STARD3NL: variants seen among roughly 807,000 people sequenced by gnomAD.
STARD3NL encodes the protein STARD3 N-terminal like.
Under a neutral mutation model 30.9 loss-of-function variants are expected in STARD3NL, and 17 were observed. That is an observed-to-expected ratio of 0.55 (90% CI 0.38 to 0.82). The LOEUF (loss-of-function observed/expected upper bound fraction) is 0.82. Among genes scored for constraint, STARD3NL ranks in the 40% least tolerant of loss-of-function variants. The pLI, the probability that STARD3NL is intolerant of heterozygous loss-of-function variation, is 0.00. For synonymous variants in STARD3NL, 112 were observed against 100.5 expected (o/e 1.11, Z -0.69); for missense variants, 234 against 277.6 (o/e 0.84, Z 1.12).
rs1787028901 is a variant in STARD3NL, at chr7:38,230,329, T to C, written c.*424T>C. ...TTATTTTGTATTTCTTTTTTAACAC[T>C]CTACATTTCCCTTGTTTTTTAACTC... On this transcript the variant is annotated 3_prime_UTR_variant, in exon 9 of 9. Transcript: ENST00000009041. 6.5e-6 allele frequency: 1 copy of C among 152,680 alleles called. No homozygotes were observed. Among genetic ancestry groups the C allele is most frequent in the Admixed American group, 6.5e-5 (1 of 15,282 alleles). 9.5% of individuals were successfully genotyped at this position (152,680 alleles called of 1,614,324 possible).
chr7:38,208,574 C>T (rs1028810699), intron 2 of STARD3NL, among the ~76,000 whole-genome samples: 24 of 152,052 alleles, frequency 1.6e-4, no homozygotes, highest in African/African-American at 5.3e-4. Flanking sequence ...CATTTCTTAC[C>T]AACCAATAGG....
intron 1 of STARD3NL, among the ~76,000 whole-genome samples, chr7:38,204,915 A>G (rs1054479242): frequency 1.3e-5 from 2 of 152,080 alleles, no homozygotes; most frequent in Non-Finnish European, 2.9e-5. Context: ...CGACACATAC[A>G]CCCTCCCAAG....
chr7:38,210,813 ATGCTTAG>A (rs1785757736), intron 2 of STARD3NL, among the ~76,000 whole-genome samples: 1 of 152,186 alleles, frequency 6.6e-6, no homozygotes, highest in Admixed American at 6.5e-5. Context: ...GCCTTTATCA[ATGCTTAG>A]TGACTTTTTT....
At chr7:38,190,780 CTTTTTA>C (rs1455055895) in intron 1 of STARD3NL, among the ~76,000 whole-genome samples, 1 of 152,104 alleles carries the variant, frequency 6.6e-6, no homozygotes, top group East Asian at 1.9e-4. Context: ...CACCACTATC[CTTTTTA>C]TTTTTGTTTT....
rs1371490489 is a variant in STARD3NL, at chr7:38,227,495, A to C, written c.650-1304A>C. Reference sequence around the variant, plus strand: ...TATCAGGCATTCTTTCCCTATAACAAATTTGTTCTTGGCTATAATTCAGGT... The same window carrying C: ...TATCAGGCATTCTTTCCCTATAACACATTTGTTCTTGGCTATAATTCAGGT... On this transcript the variant is annotated intron_variant, in intron 7 of 8. Coordinates refer to ENST00000009041, the MANE Select transcript of STARD3NL (RefSeq NM_032016.4). Among the ~76,000 whole-genome samples the C allele has an allele frequency of 2.0e-5, 3 of 152,356 alleles. No homozygotes were observed. In the South Asian group the frequency reaches 6.2e-4, roughly 32 times the overall value.
intron 2 of STARD3NL, among the ~76,000 whole-genome samples, chr7:38,213,212 A>G (rs1220729025): frequency 6.6e-6 from 1 of 152,146 alleles, no homozygotes. Flanking sequence ...AGAGACAGTA[A>G]TGAGACTAAA....
intron 1 of STARD3NL, among the ~76,000 whole-genome samples, chr7:38,190,817 A>AATC (rs1378192654): frequency 2.0e-5 from 3 of 152,166 alleles, no homozygotes; most frequent in Admixed American, 6.5e-5. Context: ...GACTTCTCTG[A>AATC]AGAGTCCAGG....
At chr7:38,196,903 G>T (rs11769941) in intron 1 of STARD3NL, among the ~76,000 whole-genome samples, 125,985 of 152,206 alleles carry the variant, frequency 0.83, 52,295 homozygotes, top group African/African-American at 0.88. Flanking sequence ...GGATCATATA[G>T]GGCACACAGG....
In STARD3NL at chr7:38,228,872, G is replaced by A; in HGVS notation, c.*17+1G>A. The A allele has an allele frequency of 6.2e-7, 1 of 1,605,942 alleles. No homozygotes were observed. The highest frequency in any genetic ancestry group is 8.5e-7 in the Non-Finnish European group (1 of 1,174,500). ...AACTATGAGTACTACTTTTGTTAAA[G>A]TAAGTGTTTGAAATGAAACCATAAC... On this transcript the variant is annotated splice_donor_variant, in intron 8 of 8. Transcript: ENST00000009041. LOFTEE classifies it low-confidence loss of function (3UTR_SPLICE).
intron 1 of STARD3NL, among the ~76,000 whole-genome samples, chr7:38,192,301 T>TG (rs35536408): frequency 0.43 from 64,850 of 151,910 alleles, 14,158 homozygotes; most frequent in East Asian, 0.5. Flanking sequence ...GTTGTTTGTT[T>TG]CTTGCTTTTT....
intron 2 of STARD3NL, among the ~76,000 whole-genome samples, chr7:38,208,577 C>T (rs1465383860): frequency 6.6e-6 from 1 of 152,134 alleles, no homozygotes; most frequent in Non-Finnish European, 1.5e-5. Flanking sequence ...TTCTTACCAA[C>T]CAATAGGTGA....
intron 3 of STARD3NL, among the ~76,000 whole-genome samples, 184 bp from the exon 4 acceptor site, chr7:38,214,844 C>T (rs1428500858): frequency 6.6e-6 from 1 of 151,850 alleles, no homozygotes; most frequent in Non-Finnish European, 1.5e-5. Flanking sequence ...TAATGTGAGA[C>T]CTAATTTGCT....
At chr7:38,197,206 C>CTT (rs56080976) in intron 1 of STARD3NL, among the ~76,000 whole-genome samples, 7 of 141,264 alleles carry the variant, frequency 5.0e-5, no homozygotes, top group African/African-American at 1.1e-4. Context: ...TTCTCTCTCT[C>CTT]TCTTTCCCTC....
At chr7:38,182,070 A>C (rs1372701453) in intron 1 of STARD3NL, among the ~76,000 whole-genome samples, 1 of 152,214 alleles carries the variant, frequency 6.6e-6, no homozygotes, top group Non-Finnish European at 1.5e-5. Context: ...TGATATCTTT[A>C]GTATTGTACT....
intron 1 of STARD3NL, among the ~76,000 whole-genome samples, chr7:38,179,430 T>C (rs986945325): frequency 1.3e-5 from 2 of 152,226 alleles, no homozygotes; most frequent in South Asian, 4.1e-4. Flanking sequence ...ACATTGGTCT[T>C]TTAAAACTGC....
chr7:38,184,672 CTA>C (rs1331171158), intron 1 of STARD3NL, among the ~76,000 whole-genome samples: 4 of 142,518 alleles, frequency 2.8e-5, no homozygotes, highest in African/African-American at 7.8e-5. Context: ...ATAATATATA[CTA>C]TATATATAAT....
In STARD3NL at chr7:38,195,213, T is replaced by C. The variant is rs1031789772; in HGVS notation, c.-58-12234T>C. Among the ~76,000 whole-genome samples, 34 of 152,108 alleles carry C rather than the reference T, an allele frequency of 2.2e-4. 2 individuals carry two copies. The highest frequency in any genetic ancestry group is 7.2e-5 in the African/African-American group (3 of 41,404). ...CTGGGAGTACAGGCGCACGTCACCA[T>C]GCTTGGCTAATTTTTATATTTTTAT... On this transcript the variant is annotated intron_variant, in intron 1 of 8. Transcript: ENST00000009041.
chr7:38,178,610 A>T (rs995097404), intron 1 of STARD3NL, among the ~76,000 whole-genome samples, 190 bp downstream of exon 1: 6 of 152,226 alleles, frequency 3.9e-5, no homozygotes, highest in African/African-American at 1.2e-4. Context: ...CATAATGGAC[A>T]CAAGAGTGAA....
Position 38,217,236 on chromosome 7 carries a change from A to T in STARD3NL, c.484A>T (p.Ile162Phe). ...CTATGTGCTGCCCATCATTTCATTC[A>T]TCCTTGCCTGGATTGAGACGTGGTT... is the stretch of plus-strand genomic sequence containing the variant. ...FGYVLPIISF[I>F]LAWIETWFLD... The change falls in exon 6 of 9, where the codon ATC (isoleucine) becomes TTC (phenylalanine). Residue 162 changes from isoleucine (I) to phenylalanine (F), a missense_variant. Transcript: ENST00000009041. 2 of 1,613,866 alleles carry T rather than the reference A, an allele frequency of 1.2e-6. No individual in the cohort carries two copies. The highest frequency in any genetic ancestry group is 1.7e-5 in the Admixed American group (1 of 59,986).
Sources: allele counts gnomAD v4.1 joint callset (sites outside exome capture counted in the v4.1 genomes callset), GRCh38; gene constraint gnomAD v4.1.1; transcripts MANE v1.5; gene names NCBI Gene and HGNC (gene_info 2026-07-23, HGNC 2026-07-21).